CNTN6: variants seen among roughly 807,000 people sequenced by gnomAD.
CNTN6 encodes the protein contactin 6.
A neutral mutation model predicts 122.8 loss-of-function variants in CNTN6; 137 were observed. That is an observed-to-expected ratio of 1.12 (90% confidence interval 0.97 to 1.29). The LOEUF is 1.29. Among genes scored for constraint, CNTN6 ranks in the 50% most tolerant of loss-of-function variants. The pLI is 0.00. For missense variants in CNTN6, 1,634 were observed against 1,223.4 expected, an observed-to-expected ratio of 1.34 and a Z score of -5.01; for synonymous variants, 570 against 426.0, an observed-to-expected ratio of 1.34 and a Z score of -4.16.
intron 19 of CNTN6, among the ~76,000 whole-genome samples, chr3:1,384,796 T>TATATATATAC (rs1224742660): frequency 9.1e-4 from 122 of 133,732 alleles, no homozygotes; most frequent in African/African-American, 3.2e-3. Flanking sequence ...TATATATATA[T>TATATATATAC]ACACACACAC....
At chr3:1,308,322 T>TGTGC (rs940409528) in intron 7 of CNTN6, among the ~76,000 whole-genome samples, 8 of 149,378 alleles carry the variant, frequency 5.4e-5, no homozygotes, top group Admixed American at 1.3e-4. Context: ...TGTGTGTGTG[T>TGTGC]GCACCTGTTA....
intron 4 of CNTN6, among the ~76,000 whole-genome samples, chr3:1,243,618 T>C (rs140555417): frequency 0.012 from 1,804 of 152,110 alleles, 42 homozygotes; most frequent in African/African-American, 0.041. Flanking sequence ...GATTTTTATA[T>C]TTGATGAAAA....
intron 11 of CNTN6, among the ~76,000 whole-genome samples, chr3:1,341,631 C>T (rs561061695): frequency 2.8e-4 from 42 of 152,218 alleles, no homozygotes; most frequent in Non-Finnish European, 3.7e-4. Flanking sequence ...ATTCAGTCAC[C>T]GTGAATCTGT....
intron 7 of CNTN6, among the ~76,000 whole-genome samples, chr3:1,299,117 C>T (rs1049648868): frequency 1.2e-4 from 18 of 151,774 alleles, no homozygotes; most frequent in African/African-American, 2.9e-4. Flanking sequence ...TTTAAGAGAC[C>T]GTATTTTATT....
intron 4 of CNTN6, among the ~76,000 whole-genome samples, chr3:1,271,981 G>A (rs2095034942): frequency 6.6e-6 from 1 of 152,138 alleles, no homozygotes; most frequent in African/African-American, 2.4e-5. Context: ...GGACCCAGTG[G>A]GAGGTAATTG....
chr3:1,170,298 A>T (rs1336525025), intron 2 of CNTN6, among the ~76,000 whole-genome samples: 1 of 151,686 alleles, frequency 6.6e-6, no homozygotes, highest in Admixed American at 6.6e-5. Flanking sequence ...ACACTATTCA[A>T]AGATCTTTAA....
At chr3:1,262,028 A>G (rs1421204552) in intron 4 of CNTN6, among the ~76,000 whole-genome samples, 1 of 152,166 alleles carries the variant, frequency 6.6e-6, no homozygotes, top group Non-Finnish European at 1.5e-5. Context: ...GAAAAACCCA[A>G]TTGAGACAAC....
intron 2 of CNTN6, among the ~76,000 whole-genome samples, chr3:1,153,734 C>T (rs368877406): frequency 3.9e-5 from 6 of 152,132 alleles, no homozygotes; most frequent in Admixed American, 2.0e-4. Context: ...GCAGAGCAAA[C>T]GAACTACCTG....
chr3:1,341,263 A>T (rs155402), intron 11 of CNTN6, among the ~76,000 whole-genome samples: 1 of 151,328 alleles, frequency 6.6e-6, no homozygotes, highest in African/African-American at 2.4e-5. Flanking sequence ...CATACTTTCT[A>T]GTCTTTTCTT....
intron 17 of CNTN6, among the ~76,000 whole-genome samples, chr3:1,379,334 T>C (rs906996792): frequency 3.3e-5 from 5 of 152,206 alleles, no homozygotes; most frequent in African/African-American, 1.2e-4. Context: ...ATTGATGCTT[T>C]CTTGCTGTTG....
At chr3:1,377,407 G>T (rs575090289) in intron 17 of CNTN6, among the ~76,000 whole-genome samples, 3 of 152,202 alleles carry the variant, frequency 2.0e-5, no homozygotes, top group East Asian at 3.9e-4. Context: ...TTGTGAATAA[G>T]TTGAGCCCAG....
chr3:1,270,410 A>G (rs944830195), intron 4 of CNTN6, among the ~76,000 whole-genome samples: 2 of 152,356 alleles, frequency 1.3e-5, no homozygotes, highest in East Asian at 1.9e-4. Context: ...TGAAAGTTGC[A>G]TATATCATAT....
At chr3:1,395,393 G>C (rs971398858) in intron 20 of CNTN6, among the ~76,000 whole-genome samples, 6 of 152,136 alleles carry the variant, frequency 3.9e-5, no homozygotes, top group African/African-American at 1.2e-4. Flanking sequence ...AGCTCCAAAG[G>C]ATAATTTGTT....
At chr3:1,307,292 T>G (rs1331744018) in intron 7 of CNTN6, among the ~76,000 whole-genome samples, 2 of 152,186 alleles carry the variant, frequency 1.3e-5, no homozygotes, top group Non-Finnish European at 2.9e-5. Flanking sequence ...GTCACTGTCA[T>G]TTCTTTAGCA....
At chr3:1,211,371 G>C (rs2125474908) in intron 2 of CNTN6, among the ~76,000 whole-genome samples, 1 of 152,246 alleles carries the variant, frequency 6.6e-6, no homozygotes. Flanking sequence ...TAATGTATGT[G>C]AGTTTCCCTT....
intron 11 of CNTN6, among the ~76,000 whole-genome samples, chr3:1,333,669 C>T (rs1447095901): frequency 6.6e-6 from 1 of 152,054 alleles, no homozygotes; most frequent in African/African-American, 2.4e-5. Flanking sequence ...TAAAGTATAA[C>T]TACCTAGAGA....
intron 2 of CNTN6, among the ~76,000 whole-genome samples, chr3:1,201,243 G>A (rs1293486703): frequency 6.6e-6 from 1 of 151,950 alleles, no homozygotes; most frequent in Non-Finnish European, 1.5e-5. Context: ...AAAGTGCTGG[G>A]ATTACAGGAG....
Position 1,385,785 on chromosome 3 carries a change from A to G in CNTN6, c.2692A>G (p.Thr898Ala). 3.7e-6 allele frequency: 6 copies of G among 1,609,882 alleles called. No homozygotes were observed. The highest frequency in any genetic ancestry group is 5.1e-6 in the Non-Finnish European group (6 of 1,178,472). Residue 898 changes from threonine to alanine, a missense_variant, in exon 20 of 23, where the codon ACC (threonine) becomes GCC (alanine). Physicochemically the swap from Thr to Ala is moderately conservative, Grantham distance 58. Transcript: ENST00000446702. ...CTCAAGCCCCCCAGTCAATGTTACCACCAAAAAGTCTCGTAAGTATGCATA... is the reference window on the plus strand; with the variant it reads ...CTCAAGCCCCCCAGTCAATGTTACCGCCAAAAAGTCTCGTAAGTATGCATA... ...GPSSPPVNVT[T>A]KKSPPSQPPA...
At chr3:1,093,311 G>A (rs2124897966) in intron 1 of CNTN6, among the ~76,000 whole-genome samples, 191 bp downstream of exon 1, 1 of 152,242 alleles carries the variant, frequency 6.6e-6, no homozygotes, top group African/African-American at 2.4e-5. Flanking sequence ...TTTATTCCTT[G>A]TGTGGGAGAA....
Sources: allele counts gnomAD v4.1 joint callset (sites outside exome capture counted in the v4.1 genomes callset), GRCh38; gene constraint gnomAD v4.1.1; transcripts MANE v1.5; gene names NCBI Gene and HGNC (gene_info 2026-07-23, HGNC 2026-07-21).